The following GALNT13 variants were observed in gnomAD, a reference collection of about 807,000 sequenced individuals.
GALNT13 encodes the protein UDP-GalNAc:polypeptide N-acetylgalactosaminyltransferase 13.
In GALNT13, 28 loss-of-function variants were observed where a neutral mutation model predicts 64.2. The ratio of observed to expected loss-of-function variants is 0.44; its 90% CI spans 0.32 to 0.60. GALNT13 has a LOEUF of 0.60. Among genes scored for constraint, GALNT13 ranks in the 20% least tolerant of loss-of-function variants. GALNT13 has a pLI of 0.05. For missense variants in GALNT13, 577 were observed against 669.8 expected, an observed-to-expected ratio of 0.86 and a Z score of 1.53; for synonymous variants, 214 against 224.6, an observed-to-expected ratio of 0.95 and a Z score of 0.42.
the GALNT13 span, among the ~76,000 whole-genome samples, chr2:153,640,302 C>A: frequency 6.6e-6 from 1 of 152,112 alleles, no homozygotes; most frequent in Non-Finnish European, 1.5e-5. Context: ...ATTGACTACT[C>A]CAAGTGTGGA....
intron 6 of GALNT13, 24 bp downstream of exon 6, chr2:154,242,929 G>T: frequency 3.2e-6 from 5 of 1,586,922 alleles, no homozygotes; most frequent in Non-Finnish European, 3.5e-6. Context: ...TGTTCTGTCT[G>T]CCTGGGTTAT....
At chr2:154,246,186 CA>C (rs1387030999) in intron 7 of GALNT13, among the ~76,000 whole-genome samples, 1 of 151,786 alleles carries the variant, frequency 6.6e-6, no homozygotes, top group Non-Finnish European at 1.5e-5. Flanking sequence ...TAAGTATTGG[CA>C]AAAATGCTAA....
chr2:153,294,721 G>C, the GALNT13 span, among the ~76,000 whole-genome samples: 1 of 152,182 alleles, frequency 6.6e-6, no homozygotes, highest in East Asian at 1.9e-4. Context: ...TCAATGAAAT[G>C]TAAGAAATAG....
the GALNT13 span, among the ~76,000 whole-genome samples, chr2:153,766,063 T>G: frequency 2.6e-5 from 4 of 152,336 alleles, no homozygotes; most frequent in East Asian, 5.8e-4. Flanking sequence ...ACTAATACAC[T>G]TAGCTTTTGT....
the GALNT13 span, among the ~76,000 whole-genome samples, chr2:153,087,174 A>G: frequency 6.6e-6 from 1 of 152,094 alleles, no homozygotes; most frequent in East Asian, 1.9e-4. Flanking sequence ...AATATTGCTG[A>G]GGTTTTAATC....
At chr2:154,022,771 CT>C (rs1041593624) in intron 3 of GALNT13, among the ~76,000 whole-genome samples, 7 of 152,084 alleles carry the variant, frequency 4.6e-5, no homozygotes, top group African/African-American at 1.7e-4. Flanking sequence ...TTTTCTAGTT[CT>C]TTTAATTGTG....
chr2:154,409,775 A>G (rs1463217095), intron 11 of GALNT13, among the ~76,000 whole-genome samples: 1 of 152,068 alleles, frequency 6.6e-6, no homozygotes, highest in East Asian at 1.9e-4. Context: ...TATCTACAGA[A>G]GTTTAGGAGA....
At chr2:153,684,167 T>C in the GALNT13 span, among the ~76,000 whole-genome samples, 28 of 151,826 alleles carry the variant, frequency 1.8e-4, no homozygotes, top group African/African-American at 6.8e-4. Context: ...GGAGAAATTA[T>C]AGTTTGATGT....
chr2:153,553,308 G>A, the GALNT13 span, among the ~76,000 whole-genome samples: 2 of 152,042 alleles, frequency 1.3e-5, no homozygotes, highest in Non-Finnish European at 2.9e-5. Context: ...CGACCAGCCT[G>A]GGCAACATGG....
At chr2:153,071,351 T>C in the GALNT13 span, among the ~76,000 whole-genome samples, 1 of 152,286 alleles carries the variant, frequency 6.6e-6, no homozygotes, top group South Asian at 2.1e-4. Flanking sequence ...TCTTACATGA[T>C]ATTTAGTCCT....
intron 12 of GALNT13, among the ~76,000 whole-genome samples, chr2:154,440,717 A>G (rs527935486): frequency 6.6e-6 from 1 of 152,244 alleles, no homozygotes; most frequent in South Asian, 2.1e-4. Context: ...TTCAAAATTA[A>G]CTAGTGATGT....
the GALNT13 span, among the ~76,000 whole-genome samples, chr2:153,117,813 T>C: frequency 6.6e-6 from 1 of 152,182 alleles, no homozygotes; most frequent in Non-Finnish European, 1.5e-5. Context: ...GGTTGTCTTC[T>C]GTATTCCTTA....
chr2:153,225,301 T>A, the GALNT13 span, among the ~76,000 whole-genome samples: 2 of 152,318 alleles, frequency 1.3e-5, no homozygotes, highest in Admixed American at 6.5e-5. Flanking sequence ...AAAATTTTTT[T>A]AAAAGCCTCT....
chr2:153,907,594 C>T (rs1688664396), intron 2 of GALNT13, among the ~76,000 whole-genome samples: 1 of 151,756 alleles, frequency 6.6e-6, no homozygotes, highest in African/African-American at 2.4e-5. Flanking sequence ...TCTGTTTTTC[C>T]CTTCTTTGTG....
At chr2:153,741,973 G>A in the GALNT13 span, among the ~76,000 whole-genome samples, 2 of 152,076 alleles carry the variant, frequency 1.3e-5, no homozygotes, top group Non-Finnish European at 2.9e-5. Context: ...GCTTATCATT[G>A]TTGTAATTAG....
intron 2 of GALNT13, among the ~76,000 whole-genome samples, chr2:153,943,163 G>T (rs1356496470): frequency 3.9e-5 from 6 of 152,266 alleles, no homozygotes; most frequent in Middle Eastern, 3.4e-3. Flanking sequence ...AATGCTCAAT[G>T]TAGTATAAAT....
chr2:153,530,806 T>C, the GALNT13 span, among the ~76,000 whole-genome samples: 1 of 152,072 alleles, frequency 6.6e-6, no homozygotes. Flanking sequence ...ATGTCTTCAA[T>C]AAATGGTGCT....
chr2:153,541,216 G>C, the GALNT13 span, among the ~76,000 whole-genome samples: 1 of 152,070 alleles, frequency 6.6e-6, no homozygotes, highest in Non-Finnish European at 1.5e-5. Context: ...GGTTGTATAA[G>C]GGGCTTTTCC....
intron 4 of GALNT13, among the ~76,000 whole-genome samples, chr2:154,196,354 C>T (rs570268221): frequency 1.3e-5 from 2 of 152,202 alleles, no homozygotes; most frequent in East Asian, 3.9e-4. Context: ...CTACATACAA[C>T]ATAAAGAGTT....
Sources: allele counts gnomAD v4.1 joint callset (sites outside exome capture counted in the v4.1 genomes callset), GRCh38; gene constraint gnomAD v4.1.1; transcripts MANE v1.5; gene names NCBI Gene and HGNC (gene_info 2026-07-23, HGNC 2026-07-21).